The following EEPD1 variants were observed in gnomAD, a reference collection of about 807,000 sequenced individuals.
EEPD1 encodes endonuclease/exonuclease/phosphatase family domain containing 1.
In EEPD1, 17 loss-of-function variants were observed where a neutral mutation model predicts 46.3. The ratio of observed to expected loss-of-function variants is 0.37; its 90% CI spans 0.25 to 0.55. The LOEUF is 0.55. Among genes scored for constraint, EEPD1 ranks in the 20% least tolerant of loss-of-function variants. The probability of loss-of-function intolerance (pLI) is 0.83; values close to 1 mark genes in which losing one functional copy is unlikely to be tolerated. For missense variants in EEPD1, 673 were observed against 745.6 expected (o/e 0.90, Z 1.13); for synonymous variants, 313 against 315.6 (o/e 0.99, Z 0.09).
At chr7:36,266,719 A>C (rs563642219) in intron 3 of EEPD1, among the ~76,000 whole-genome samples, 1 of 152,154 alleles carries the variant, frequency 6.6e-6, no homozygotes, top group Non-Finnish European at 1.5e-5. Flanking sequence ...CAAACCTACT[A>C]AACAGTCACT....
At chr7:36,242,618 T>C (rs1786572068) in intron 3 of EEPD1, among the ~76,000 whole-genome samples, 1 of 152,112 alleles carries the variant, frequency 6.6e-6, no homozygotes, top group East Asian at 1.9e-4. Flanking sequence ...TGCTATTTTG[T>C]GCATCAAGAT....
chr7:36,247,533 A>G lies in EEPD1; in HGVS notation c.930+8497A>G, dbSNP rs544431663. ...ATTATAAAGATACATTTACATTTGA[A>G]TGGCATAGAATCCCAGAACTTCAGA... On this transcript the variant is annotated intron_variant, in intron 3 of 7. Coordinates refer to ENST00000242108, the MANE Select transcript of EEPD1 (RefSeq NM_030636.3). Among the ~76,000 whole-genome samples the G allele has an allele frequency of 4.6e-5, 7 of 152,358 alleles. No homozygotes were observed. In the South Asian group the frequency reaches 8.3e-4, roughly 18 times the overall value.
intron 2 of EEPD1, among the ~76,000 whole-genome samples, chr7:36,157,704 T>C (rs1320840137): frequency 1.3e-5 from 2 of 152,172 alleles, no homozygotes; most frequent in Non-Finnish European, 2.9e-5. Context: ...TTCCAGACAC[T>C]CCTAGCACAT....
chr7:36,289,595 C>G (rs1056843201), intron 6 of EEPD1, among the ~76,000 whole-genome samples: 18 of 152,178 alleles, frequency 1.2e-4, no homozygotes, highest in Admixed American at 4.6e-4. Flanking sequence ...CCCGGGTTCA[C>G]GCCATTCTCC....
rs1169216911 is a variant in EEPD1 at position 36,299,215 on chromosome 7, A to G, written c.*9A>G. The G allele has an allele frequency of 9.3e-6, 15 of 1,612,804 alleles. No homozygotes were observed. In the Admixed American group the frequency reaches 1.8e-4, roughly 20 times the overall value. ...TCAAGCACGAGCGATGATGACACCA[A>G]ATCCATGTGTCCACCCTGGGACCCA... On this transcript the variant is annotated 3_prime_UTR_variant, in exon 8 of 8. Coordinates refer to ENST00000242108, the MANE Select transcript of EEPD1 (RefSeq NM_030636.3).
chr7:36,164,230 C>T (rs1014557627), intron 2 of EEPD1, among the ~76,000 whole-genome samples: 5 of 152,196 alleles, frequency 3.3e-5, no homozygotes, highest in Non-Finnish European at 5.9e-5. Flanking sequence ...TTTTAAGAAG[C>T]TTTTCAAGTA....
chr7:36,154,156 G>T lies in EEPD1; in HGVS notation c.-169G>T. The T allele has an allele frequency of 1.3e-6, 1 of 763,578 alleles. No homozygotes were observed. 47.3% of individuals were successfully genotyped at this position (763,578 alleles called of 1,614,324 possible). The stretch of plus-strand genomic sequence containing the variant: ...AGGCGGCCAAGTGAAAGGTAATTTT[G>T]GACACGCCAGGCATGGAAGATTCGG... On this transcript the variant is annotated 5_prime_UTR_variant, in exon 2 of 8. Transcript: ENST00000242108. This position sits in a 1 kb window ranked among gnomAD's most constrained non-coding sequence, Gnocchi z 4.2.
intron 3 of EEPD1, among the ~76,000 whole-genome samples, chr7:36,249,402 T>C (rs1786696494): frequency 6.6e-6 from 1 of 152,154 alleles, no homozygotes; most frequent in Non-Finnish European, 1.5e-5. Context: ...TGACCTGTGA[T>C]CCGGTTCCTG....
chr7:36,291,954 C>T (rs995482099), intron 6 of EEPD1, among the ~76,000 whole-genome samples: 1 of 152,242 alleles, frequency 6.6e-6, no homozygotes, highest in Non-Finnish European at 1.5e-5. Context: ...ATAACTATCC[C>T]ACTTCCTCTA....
chr7:36,224,754 C>T (rs1486827560), intron 2 of EEPD1, among the ~76,000 whole-genome samples: 1 of 152,002 alleles, frequency 6.6e-6, no homozygotes, highest in South Asian at 2.1e-4. Flanking sequence ...GAAAAGTATT[C>T]ATGTATAGTA....
intron 2 of EEPD1, among the ~76,000 whole-genome samples, chr7:36,159,315 A>G (rs1784868776): frequency 2.0e-5 from 3 of 152,330 alleles, no homozygotes; most frequent in Admixed American, 6.5e-5. Context: ...AAAAGGAGTG[A>G]TTGATACATG....
chr7:36,210,818 C>T (rs1023804761), intron 2 of EEPD1, among the ~76,000 whole-genome samples: 1 of 152,190 alleles, frequency 6.6e-6, no homozygotes, highest in African/African-American at 2.4e-5. Context: ...GGAAGCCTTC[C>T]CTGACCACCC....
At chr7:36,223,144 G>C (rs12540704) in intron 2 of EEPD1, among the ~76,000 whole-genome samples, 121,246 of 151,722 alleles carry the variant, frequency 0.8, 49,192 homozygotes, top group Middle Eastern at 0.87. Flanking sequence ...GAGTGAGACT[G>C]TGTCTCAAAA....
intron 2 of EEPD1, among the ~76,000 whole-genome samples, chr7:36,172,603 T>C (rs1021550150): frequency 1.8e-4 from 27 of 148,886 alleles, no homozygotes; most frequent in Non-Finnish European, 2.5e-4. Context: ...ATAAACTTTC[T>C]TAAAATATTA....
At chr7:36,223,558 A>G (rs1786183777) in intron 2 of EEPD1, among the ~76,000 whole-genome samples, 1 of 152,156 alleles carries the variant, frequency 6.6e-6, no homozygotes, top group Non-Finnish European at 1.5e-5. Flanking sequence ...GAACTATGCC[A>G]GGCACATAGT....
chr7:36,257,547 G>A (rs951654454), intron 3 of EEPD1, among the ~76,000 whole-genome samples: 12 of 151,746 alleles, frequency 7.9e-5, no homozygotes, highest in African/African-American at 2.9e-4. Flanking sequence ...CTCTAATCTT[G>A]TCTTCACGCT....
At chr7:36,219,806 A>AGTGTGTGT (rs70977121) in intron 2 of EEPD1, among the ~76,000 whole-genome samples, 1,139 of 75,316 alleles carry the variant, frequency 0.015, 32 homozygotes, top group African/African-American at 0.029. Context: ...AGAGAGAGAG[A>AGTGTGTGT]GTGTGTGTGT....
chr7:36,261,154 G>T (rs561372878), intron 3 of EEPD1, among the ~76,000 whole-genome samples: 1 of 152,276 alleles, frequency 6.6e-6, no homozygotes, highest in South Asian at 2.1e-4. Context: ...GGACAAATGG[G>T]TGGGTGGATG....
At chr7:36,216,952 C>T (rs925109568) in intron 2 of EEPD1, among the ~76,000 whole-genome samples, 5 of 152,172 alleles carry the variant, frequency 3.3e-5, no homozygotes, top group African/African-American at 1.2e-4. Flanking sequence ...GTTTCCTTTA[C>T]TTTTTTCTGT....
Sources: gnomAD v4.1 joint callset for allele counts (sites outside exome capture counted in the v4.1 genomes callset) on GRCh38, gnomAD v4.1.1 for gene constraint, Gnocchi (gnomAD v3.1) non-coding constraint, MANE v1.5 for transcripts, NCBI Gene and HGNC (gene_info 2026-07-23, HGNC 2026-07-21) for gene names.